Variants in ATP8A1 observed in about 807,000 individuals in gnomAD.
ATP8A1 encodes the protein phospholipid-transporting ATPase IA.
ATP8A1 carries 90 observed loss-of-function variants against 177.7 expected under a neutral mutation model. The ratio of observed to expected loss-of-function variants is 0.51; its 90% CI spans 0.43 to 0.60. ATP8A1 has a LOEUF of 0.60. Among genes scored for constraint, ATP8A1 ranks in the 20% least tolerant of loss-of-function variants. The pLI is 0.00. For synonymous variants in ATP8A1, 493 were observed against 485.9 expected, an observed-to-expected ratio of 1.01 and a Z score of -0.19; for missense variants, 1,072 against 1,392.8, an observed-to-expected ratio of 0.77 and a Z score of 3.67.
intron 20 of ATP8A1, among the ~76,000 whole-genome samples, chr4:42,536,335 T>C (rs1453525341): frequency 2.0e-5 from 3 of 152,260 alleles, no homozygotes; most frequent in East Asian, 3.9e-4. Context: ...AACACCTCTA[T>C]GTGCATAAAC....
chr4:42,591,992 C>T (rs1339657359), intron 6 of ATP8A1, among the ~76,000 whole-genome samples: 1 of 151,982 alleles, frequency 6.6e-6, no homozygotes, highest in Non-Finnish European at 1.5e-5. Flanking sequence ...TACCTAAAGT[C>T]AAAATTTCTC....
intron 1 of ATP8A1, among the ~76,000 whole-genome samples, chr4:42,635,780 C>CAAATATATATATATATATATATAT (rs1317800276): frequency 2.3e-5 from 1 of 43,466 alleles, no homozygotes; most frequent in Non-Finnish European, 5.1e-5. Context: ...CACACACACA[C>CAAATATATATATATATATATATAT]ACATATATAT....
chr4:42,624,482 A>T, intron 4 of ATP8A1, 54 bp downstream of exon 4: 1 of 952,182 alleles, frequency 1.1e-6, no homozygotes, highest in Non-Finnish European at 1.5e-6. Context: ...CTAATATTTA[A>T]AGCATATATA....
At chr4:42,631,613 C>T (rs1310927890) in intron 1 of ATP8A1, among the ~76,000 whole-genome samples, 4 of 152,222 alleles carry the variant, frequency 2.6e-5, no homozygotes, top group Non-Finnish European at 4.4e-5. Context: ...GGCCATGATA[C>T]TTCAAGTCTG....
intron 22 of ATP8A1, among the ~76,000 whole-genome samples, chr4:42,516,762 G>GT (rs1725580196): frequency 6.6e-6 from 1 of 152,132 alleles, no homozygotes; most frequent in Admixed American, 6.5e-5. Flanking sequence ...TAGTAGCATA[G>GT]TATGAATATG....
chr4:42,578,419 C>T lies in ATP8A1; in HGVS notation c.1001-32G>A, dbSNP rs764475433. On this transcript the variant is annotated intron_variant, in intron 11 of 36. Transcript: ENST00000381668. ...GGAGAGGCAGGAAGAACGTCATTTA[C>T]AGTTTTATATTTTATTTGCATTGAC... is the stretch of plus-strand genomic sequence containing the variant. The T allele has an allele frequency of 3.7e-6, 6 of 1,602,522 alleles. No homozygotes were observed. In the South Asian group the frequency reaches 5.6e-5, roughly 15 times the overall value.
intron 33 of ATP8A1, among the ~76,000 whole-genome samples, chr4:42,434,256 TATG>T (rs763108777): frequency 2.9e-4 from 44 of 152,184 alleles, no homozygotes; most frequent in Admixed American, 1.2e-3. Context: ...TGAGACAGGG[TATG>T]ATATCTCAGT....
chr4:42,410,686 C>T lies in ATP8A1; in HGVS notation c.*2230G>A, dbSNP rs1277662294. The stretch of plus-strand genomic sequence containing the variant: ...GGCTCAAATTAGTCACATTTCAGAT[C>T]ATGTTACACATTATCAACCGTAAGT... On this transcript the variant is annotated 3_prime_UTR_variant, in exon 37 of 37. Transcript: ENST00000381668. 6.6e-6 allele frequency: 1 copy of T among 152,162 alleles called. No homozygotes were observed. Among genetic ancestry groups the T allele is most frequent in the African/African-American group, 2.4e-5 (1 of 41,436 alleles). 9.4% of individuals were successfully genotyped at this position (152,162 alleles called of 1,614,324 possible). A position where few individuals can be genotyped will look rare whatever the true frequency, so the allele number is the denominator to read the frequency against.
intron 33 of ATP8A1, among the ~76,000 whole-genome samples, chr4:42,441,015 C>T (rs1423019810): frequency 6.6e-6 from 1 of 152,172 alleles, no homozygotes; most frequent in African/African-American, 2.4e-5. Context: ...ATACTTATGA[C>T]CCTGTTAGTG....
intron 25 of ATP8A1, among the ~76,000 whole-genome samples, chr4:42,468,309 A>G (rs1720007917): frequency 6.6e-6 from 1 of 152,230 alleles, no homozygotes; most frequent in Non-Finnish European, 1.5e-5. Flanking sequence ...TTGCAATTGC[A>G]AAAATATGGG....
rs901688726 is a variant in ATP8A1 at position 42,409,696 on chromosome 4, A to G, written c.*3220T>C. ...TGTCATAATTTTAAAACTATGAATA[A>G]TACAATCTATTACTTTCTGACTAGC... On this transcript the variant is annotated 3_prime_UTR_variant, in exon 37 of 37. Transcript: ENST00000381668. The G allele has an allele frequency of 2.0e-4, 31 of 152,178 alleles. No individual in the cohort carries two copies. The highest frequency in any genetic ancestry group is 7.0e-4 in the African/African-American group (29 of 41,460). 9.4% of individuals were successfully genotyped at this position (152,178 alleles called of 1,614,324 possible). A position where few individuals can be genotyped will look rare whatever the true frequency, so the allele number is the denominator to read the frequency against.
At chr4:42,506,140 G>A (rs1439265521) in intron 23 of ATP8A1, among the ~76,000 whole-genome samples, 1 of 152,194 alleles carries the variant, frequency 6.6e-6, no homozygotes, top group Non-Finnish European at 1.5e-5. Flanking sequence ...GGTGAGGCCT[G>A]CTATGGTCTG....
rs1338770581 is a variant in ATP8A1 at position 42,460,722 on chromosome 4, T to C, written c.2619+3968A>G. On this transcript the variant is annotated intron_variant, in intron 27 of 36. Coordinates refer to ENST00000381668, the MANE Select transcript of ATP8A1 (RefSeq NM_006095.2). ...TTTTTTGACAGACGTGTAGAAACAG[T>C]CAACAGATTAAATGGTAAAGTGGCA... Among the ~76,000 whole-genome samples, 3 of 152,126 alleles carry C rather than the reference T, an allele frequency of 2.0e-5. No homozygotes were observed. In the East Asian group the frequency reaches 5.8e-4, roughly 29 times the overall value.
intron 21 of ATP8A1, among the ~76,000 whole-genome samples, chr4:42,524,111 C>A (rs1726430765): frequency 6.6e-6 from 1 of 152,098 alleles, no homozygotes. Context: ...TGTTTAACAA[C>A]CCTCGCTGCC....
intron 35 of ATP8A1, among the ~76,000 whole-genome samples, chr4:42,415,540 T>TAA (rs1432838543): frequency 6.6e-6 from 1 of 152,208 alleles, no homozygotes; most frequent in Non-Finnish European, 1.5e-5. Flanking sequence ...GAAATGTACT[T>TAA]ATAGACATCA....
chr4:42,422,082 T>C (rs1323759381), intron 35 of ATP8A1, among the ~76,000 whole-genome samples: 1 of 152,132 alleles, frequency 6.6e-6, no homozygotes, highest in Non-Finnish European at 1.5e-5. Context: ...AAACTATGAT[T>C]TTGATTACAT....
chr4:42,612,569 C>A (rs571510306), intron 5 of ATP8A1, among the ~76,000 whole-genome samples: 1 of 151,608 alleles, frequency 6.6e-6, no homozygotes, highest in South Asian at 2.1e-4. Flanking sequence ...CTCTCTGCAG[C>A]TAGGTTGTTG....
intron 12 of ATP8A1, among the ~76,000 whole-genome samples, chr4:42,576,245 G>C (rs1007515874): frequency 1.3e-5 from 2 of 151,966 alleles, no homozygotes; most frequent in African/African-American, 4.8e-5. Context: ...GCCAAGATGG[G>C]CGGATCACGA....
intron 27 of ATP8A1, among the ~76,000 whole-genome samples, chr4:42,462,763 C>T (rs556447908): frequency 5.3e-5 from 8 of 152,248 alleles, no homozygotes; most frequent in Middle Eastern, 3.4e-3. Flanking sequence ...GCACCTGATG[C>T]CAGCCTGTGA....
Sources: gnomAD v4.1 joint callset for allele counts (sites outside exome capture counted in the v4.1 genomes callset) on GRCh38, gnomAD v4.1.1 for gene constraint, MANE v1.5 for transcripts, NCBI Gene and HGNC (gene_info 2026-07-23, HGNC 2026-07-21) for gene names.